The following ERG variants were observed in gnomAD, a reference collection of about 807,000 sequenced individuals.
ERG encodes the protein transcriptional regulator ERG.
A neutral mutation model predicts 55.3 loss-of-function variants in ERG; 9 were observed. That is an observed-to-expected ratio of 0.16 (90% CI 0.10 to 0.28). The LOEUF (loss-of-function observed/expected upper bound fraction) is 0.28, where lower values mean the gene tolerates loss of function less well. Among genes scored for constraint, ERG ranks in the 10% least tolerant of loss-of-function variants. The pLI, the probability that ERG is intolerant of heterozygous loss-of-function variation, is 1.00. For missense variants in ERG, 434 were observed against 631.6 expected (o/e 0.69, Z 3.35); for synonymous variants, 223 against 237.3 (o/e 0.94, Z 0.55).
chr21:38,488,358 C>T (rs1262813754), intron 1 of ERG, among the ~76,000 whole-genome samples: 3 of 152,072 alleles, frequency 2.0e-5, no homozygotes, highest in African/African-American at 7.2e-5. Flanking sequence ...TTTGGTGCTT[C>T]GCCAGTGCTT....
At chr21:38,430,972 C>A (rs934261896) in intron 2 of ERG, among the ~76,000 whole-genome samples, 5 of 148,614 alleles carry the variant, frequency 3.4e-5, no homozygotes, top group Admixed American at 6.7e-5. Context: ...ATAAAAAAAA[C>A]CAGAATGCTG....
intron 2 of ERG, among the ~76,000 whole-genome samples, chr21:38,550,284 C>T (rs1475927158): frequency 4.6e-5 from 7 of 152,052 alleles, no homozygotes; most frequent in East Asian, 2.0e-4. Context: ...CCACTGAGAC[C>T]AAGCAGGAGC....
At chr21:38,540,784 T>C (rs946860171) in intron 2 of ERG, among the ~76,000 whole-genome samples, 1 of 152,226 alleles carries the variant, frequency 6.6e-6, no homozygotes, top group African/African-American at 2.4e-5. Context: ...CCATAAAGTA[T>C]GTGCCACCTG....
intron 2 of ERG, among the ~76,000 whole-genome samples, chr21:38,551,158 G>A (rs2059821719): frequency 6.7e-6 from 1 of 149,316 alleles, no homozygotes; most frequent in African/African-American, 2.5e-5. Context: ...AGTCTCTGAG[G>A]TTTTTTTTTT....
chr21:38,641,156 T>G (rs543342642), intron 1 of ERG, among the ~76,000 whole-genome samples: 69 of 152,310 alleles, frequency 4.5e-4, no homozygotes, highest in African/African-American at 1.6e-3. Flanking sequence ...AATTCACATG[T>G]TGAAATCCTA....
chr21:38,646,692 G>A (rs1171403951), intron 1 of ERG, among the ~76,000 whole-genome samples: 5 of 152,174 alleles, frequency 3.3e-5, no homozygotes, highest in South Asian at 2.1e-4. Flanking sequence ...AATACTATTC[G>A]CTGATCATGT....
At chr21:38,655,899 C>A (rs2060516106) in intron 1 of ERG, among the ~76,000 whole-genome samples, 1 of 152,114 alleles carries the variant, frequency 6.6e-6, no homozygotes, top group South Asian at 2.1e-4. Context: ...GTGAACAGGC[C>A]AAATGGGAGG....
chr21:38,453,360 T>C (rs1367635628), intron 1 of ERG, among the ~76,000 whole-genome samples: 1 of 152,200 alleles, frequency 6.6e-6, no homozygotes, highest in Non-Finnish European at 1.5e-5. Context: ...AAAGAAAGAA[T>C]AGTTATGTCC....
In ERG at chr21:38,603,974, C is replaced by T. The variant is rs138979644; in HGVS notation, c.-149-19029G>A. Among the ~76,000 whole-genome samples, 982 of 152,042 alleles carry T rather than the reference C, an allele frequency of 6.5e-3. 16 individuals are homozygous for T. The highest frequency in any genetic ancestry group is 0.023 in the African/African-American group (955 of 41,432). On this transcript the variant is annotated intron_variant, in intron 1 of 10. Coordinates refer to the ERG transcript ENST00000398910. ...AAAAAATGTACTAGTTTTGGCCGGG[C>T]GCGGTGGCTCACGCCTGTAATCCCA...
Position 38,380,140 on chromosome 21 carries a change from TTTC to T in ERG, c.*3260_*3262del. On this transcript the variant is annotated 3_prime_UTR_variant, in exon 10 of 10. Transcript: ENST00000288319. ...AATAAACTAGCTTTTTAAAAAATAT[TTTC>T]TTCTCTTTCTCCAGGCAATGGGTCA... 9.6e-7 allele frequency: 1 copy of T among 1,036,736 alleles called. No homozygotes were observed. Among genetic ancestry groups the T allele is most frequent in the Non-Finnish European group, 1.2e-6 (1 of 861,300 alleles). The allele number at this position is 1,036,736 out of a possible 1,614,324, so 64.2% of individuals were successfully genotyped here.
intron 2 of ERG, among the ~76,000 whole-genome samples, chr21:38,443,469 G>A (rs1216002961): frequency 2.0e-5 from 3 of 152,102 alleles, no homozygotes; most frequent in Admixed American, 6.5e-5. Flanking sequence ...TGGCATATAT[G>A]GGATCATATG....
intron 9 of ERG, among the ~76,000 whole-genome samples, chr21:38,387,758 C>T (rs1393856127): frequency 2.0e-5 from 3 of 152,234 alleles, no homozygotes; most frequent in Admixed American, 1.3e-4. Context: ...CTTGGGCTGA[C>T]TGATATCCTC....
chr21:38,624,098 C>T (rs918103458), intron 1 of ERG, among the ~76,000 whole-genome samples: 12 of 152,280 alleles, frequency 7.9e-5, no homozygotes, highest in South Asian at 4.1e-4. Context: ...CCTCGTGAGC[C>T]TAACCACATG....
At chr21:38,593,014 C>T (rs1280227226) in intron 1 of ERG, among the ~76,000 whole-genome samples, 1 of 152,202 alleles carries the variant, frequency 6.6e-6, no homozygotes, top group Non-Finnish European at 1.5e-5. Context: ...CCTGTGGGCA[C>T]CAGTTTGTAA....
chr21:38,486,563 C>T (rs2146664112), intron 1 of ERG, among the ~76,000 whole-genome samples: 1 of 152,192 alleles, frequency 6.6e-6, no homozygotes, highest in South Asian at 2.1e-4. Context: ...ATGCAGGATT[C>T]CTTTCCAAAG....
chr21:38,572,444 C>T (rs548387713), intron 2 of ERG, among the ~76,000 whole-genome samples: 2 of 151,390 alleles, frequency 1.3e-5, no homozygotes, highest in East Asian at 3.9e-4. Context: ...GAAGAAACTT[C>T]TCGCACATGA....
At chr21:38,530,025 C>T (rs1048849917) in intron 2 of ERG, among the ~76,000 whole-genome samples, 4 of 152,196 alleles carry the variant, frequency 2.6e-5, no homozygotes, top group South Asian at 2.1e-4. Flanking sequence ...GGGGACTTGT[C>T]CTGGAACAGA....
At chr21:38,451,099 T>C (rs1048875218) in intron 1 of ERG, 1 of 458,704 alleles carries the variant, frequency 2.2e-6, no homozygotes, top group Non-Finnish European at 4.4e-6. Context: ...GCTCTTGCCA[T>C]GAGAGATGGA....
intron 2 of ERG, among the ~76,000 whole-genome samples, chr21:38,442,868 C>T (rs139121839): frequency 0.011 from 1,630 of 152,202 alleles, 30 homozygotes; most frequent in African/African-American, 0.037. Flanking sequence ...AGTGCAGTGG[C>T]GCGATCTCGG....
Sources: gnomAD v4.1 joint callset for allele counts (sites outside exome capture counted in the v4.1 genomes callset) on GRCh38, gnomAD v4.1.1 for gene constraint, MANE v1.5 for transcripts, NCBI Gene and HGNC (gene_info 2026-07-23, HGNC 2026-07-21) for gene names.